MSTO1: variants seen among roughly 807,000 people sequenced by gnomAD.
MSTO1 encodes the protein protein misato homolog 1.
In MSTO1, 24 loss-of-function variants were observed where a neutral mutation model predicts 55.7. The observed-to-expected ratio is 0.43, with a 90% CI of 0.31 to 0.61. The LOEUF is 0.61. Ranked by LOEUF, MSTO1 falls within the 20% of genes least tolerant of loss-of-function variation. The probability of loss-of-function intolerance (pLI) is 0.09; values close to 1 mark genes in which losing one functional copy is unlikely to be tolerated. For synonymous variants in MSTO1, 162 were observed against 252.8 expected (o/e 0.64, Z 3.41); for missense variants, 363 against 625.7 (o/e 0.58, Z 4.48).
At chr1:155,568,514 C>G in the MSTO1 span, among the ~76,000 whole-genome samples, 2 of 152,126 alleles carry the variant, frequency 1.3e-5, no homozygotes, top group African/African-American at 4.8e-5. Flanking sequence ...TCTCAGCTCA[C>G]TGCAACTTCC....
chr1:155,613,736 A>G lies in MSTO1; in HGVS notation c.1468A>G (p.Met490Val). Reference sequence around the variant, plus strand: ...CTTCTCAAGCTGCAGTCCACCGGGTATGGTTCTGGATGGTTCCCCCAAGGG... The same window carrying G: ...CTTCTCAAGCTGCAGTCCACCGGGTGTGGTTCTGGATGGTTCCCCCAAGGG... ...HLFSSCSPPG[M>V]VLDGSPKGAA... Residue 490 changes from methionine (M) to valine (V), a missense_variant, in exon 13 of 14, where the codon ATG (methionine) becomes GTG (valine). Around this residue, in one of 3 missense-constraint regions of MSTO1, gnomAD observed 38 missense variants for 126.4 expected, o/e 0.30. Coordinates refer to ENST00000245564, the MANE Select transcript of MSTO1 (RefSeq NM_018116.4). 2.5e-6 allele frequency: 4 copies of G among 1,601,566 alleles called. No individual in the cohort carries two copies. Among genetic ancestry groups the G allele is most frequent in the Non-Finnish European group, 1.7e-6 (2 of 1,171,674 alleles).
In MSTO1 at chr1:155,613,734, G is replaced by T; in HGVS notation, c.1466G>T (p.Gly489Val). The T allele has an allele frequency of 1.2e-6, 2 of 1,608,174 alleles. No homozygotes were observed. Among genetic ancestry groups the T allele is most frequent in the Non-Finnish European group, 1.7e-6 (2 of 1,176,332 alleles). Reference protein sequence around the residue: ...PHLFSSCSPPGMVLDGSPKGA... With the variant: ...PHLFSSCSPPVMVLDGSPKGA... Reference sequence around the variant, plus strand: ...CTCTTCTCAAGCTGCAGTCCACCGGGTATGGTTCTGGATGGTTCCCCCAAG... The same window carrying T: ...CTCTTCTCAAGCTGCAGTCCACCGGTTATGGTTCTGGATGGTTCCCCCAAG... Residue 489 changes from glycine (G) to valine (V), a missense_variant, in exon 13 of 14, where the codon GGT (glycine) becomes GTT (valine). Coordinates refer to ENST00000245564, the MANE Select transcript of MSTO1 (RefSeq NM_018116.4).
the MSTO1 span, among the ~76,000 whole-genome samples, chr1:155,579,081 G>A: frequency 6.6e-6 from 1 of 151,594 alleles, no homozygotes; most frequent in Admixed American, 6.6e-5. Context: ...GCTGGGGCAG[G>A]CGGATCACCT....
upstream of MSTO1, chr1:155,610,126 A>C (rs1673494278): frequency 2.2e-6 from 2 of 895,964 alleles, no homozygotes; most frequent in Admixed American, 5.1e-5. Context: ...CCAATGGGAA[A>C]GGATGTGTTT....
Position 155,613,210 on chromosome 1 carries a change from T to C in MSTO1, c.1260T>C (p.Gly420=), listed in dbSNP as rs753647819. Residue 420 remains glycine, a synonymous_variant, in exon 11 of 14, where the codon GGT becomes GGC. Coordinates refer to ENST00000245564, the MANE Select transcript of MSTO1 (RefSeq NM_018116.4). ...TTGCCCAGTCAGTGGTGCTGAGGGG[T>C]ATAGACAGAGCATGCCACACAAGGT... The part of the protein sequence containing the change: ...RCFAQSVVLR[G]IDRACHTSQL... 1.2e-6 allele frequency: 2 copies of C among 1,613,814 alleles called. No homozygotes were observed. Among genetic ancestry groups the C allele is most frequent in the African/African-American group, 2.7e-5 (2 of 74,820 alleles).
At chr1:155,606,198 CT>C (rs747681932), upstream of MSTO1, among the ~76,000 whole-genome samples, 8 of 28,086 alleles carry the variant, frequency 2.8e-4, no homozygotes, top group Admixed American at 8.3e-4. Context: ...CATGCCCAGC[CT>C]TTTTTTTTTT....
the MSTO1 span, chr1:155,591,113 A>G: frequency 1.2e-6 from 2 of 1,613,414 alleles, no homozygotes; most frequent in Non-Finnish European, 1.7e-6. Context: ...CAGGACATCC[A>G]CAGGCCCTCC....
the MSTO1 span, among the ~76,000 whole-genome samples, chr1:155,569,563 G>A: frequency 1.4e-5 from 2 of 147,712 alleles, no homozygotes; most frequent in African/African-American, 5.0e-5. Flanking sequence ...GCAGCCTCCC[G>A]AGTAGCTGGG....
At chr1:155,591,482 T>A in the MSTO1 span, among the ~76,000 whole-genome samples, 2 of 152,188 alleles carry the variant, frequency 1.3e-5, no homozygotes, top group African/African-American at 4.8e-5. Context: ...TATAAAACTT[T>A]AAGAACTAAA....
At chr1:155,565,167 C>T in the MSTO1 span, among the ~76,000 whole-genome samples, 2 of 151,462 alleles carry the variant, frequency 1.3e-5, no homozygotes, top group African/African-American at 2.4e-5. Flanking sequence ...CATGGTGGAG[C>T]GCCTGTAGTT....
the MSTO1 span, among the ~76,000 whole-genome samples, chr1:155,588,280 T>C: frequency 1.2e-3 from 183 of 152,240 alleles, 1 homozygote; most frequent in African/African-American, 4.3e-3. Context: ...AAATTGTACG[T>C]GAAAAAGACC....
upstream of MSTO1, among the ~76,000 whole-genome samples, chr1:155,605,851 G>T (rs1416721539): frequency 6.6e-6 from 1 of 152,140 alleles, no homozygotes; most frequent in African/African-American, 2.4e-5. Flanking sequence ...AACATTTAAA[G>T]AAATGATGCC....
Position 155,610,327 on chromosome 1 carries a change from C to T in MSTO1, c.79C>T (p.Gln27Ter), listed in dbSNP as rs1673545403. 4 of 996,656 alleles carry T rather than the reference C, an allele frequency of 4.0e-6. No homozygotes were observed. The East Asian group carries it at 7.6e-5, about 19-fold the overall frequency. The allele number at this position is 996,656 out of a possible 1,614,324, so 61.7% of individuals were successfully genotyped here. ...AGFVGAHWWN[Q>*]QDAALGRATD... ...TTTCGTGGGCGCGCACTGGTGGAAC[C>T]AGCAGGTGAGGTCAGCCGGCAGCTG... The change falls in exon 1 of 14, where the codon CAG becomes TAG. Residue 27 changes from glutamine (Q) to a stop codon, truncating the protein, a stop_gained. Coordinates refer to ENST00000245564, the MANE Select transcript of MSTO1 (RefSeq NM_018116.4). LOFTEE classifies it high-confidence loss of function.
the MSTO1 span, among the ~76,000 whole-genome samples, chr1:155,566,527 C>T: frequency 7.4e-3 from 1,122 of 152,062 alleles, 6 homozygotes; most frequent in Non-Finnish European, 0.012. Context: ...TTGAGGCTAC[C>T]GTGAGCCATG....
At chr1:155,563,451 G>A in the MSTO1 span, 5 of 456,716 alleles carry the variant, frequency 1.1e-5, no homozygotes, top group African/African-American at 1.0e-4. Context: ...TTCCTCCCGG[G>A]CGTTGAGTTG....
At chr1:155,613,369 A>T in intron 11 of MSTO1, 93 bp from the exon 12 acceptor site, 1 of 1,587,124 alleles carries the variant, frequency 6.3e-7, no homozygotes, top group Non-Finnish European at 8.6e-7. Context: ...GGCTTTGAAT[A>T]TCTTGATCCA....
At chr1:155,609,452 G>GT (rs1558251435), upstream of MSTO1, among the ~76,000 whole-genome samples, 1 of 150,260 alleles carries the variant, frequency 6.7e-6, no homozygotes, top group Non-Finnish European at 1.5e-5. Flanking sequence ...GTTTCACCGT[G>GT]TTAGCCAGGA....
At chr1:155,608,651 C>A (rs1177805913), upstream of MSTO1, among the ~76,000 whole-genome samples, 1 of 151,650 alleles carries the variant, frequency 6.6e-6, no homozygotes, top group African/African-American at 2.4e-5. Context: ...AGGTCGCGCC[C>A]GTCACCACGC....
chr1:155,614,575 C>T lies in MSTO1; in HGVS notation c.*302C>T, dbSNP rs528421303. ...GCAGAGCCCCTGGGTCCTACTCCATCCTCCAGCCTTTGTCCTTGTCCTGGC... is the reference window on the plus strand; with the variant it reads ...GCAGAGCCCCTGGGTCCTACTCCATTCTCCAGCCTTTGTCCTTGTCCTGGC... On this transcript the variant is annotated 3_prime_UTR_variant, in exon 14 of 14. Transcript: ENST00000245564. 2.0e-3 allele frequency: 1,240 copies of T among 625,154 alleles called. 15 individuals are homozygous for T. In the African/African-American group the frequency reaches 0.021, roughly 11 times the overall value. 38.7% of individuals were successfully genotyped at this position (625,154 alleles called of 1,614,324 possible). A position where few individuals can be genotyped will look rare whatever the true frequency, so the allele number is the denominator to read the frequency against.
Sources: gnomAD v4.1 joint callset for allele counts (sites outside exome capture counted in the v4.1 genomes callset) on GRCh38, gnomAD v4.1.1 for gene constraint, gnomAD v4.1.1 regional missense constraint, MANE v1.5 for transcripts, NCBI Gene and HGNC (gene_info 2026-07-23, HGNC 2026-07-21) for gene names.